The following NLGN1 variants were observed in gnomAD, a reference collection of about 807,000 sequenced individuals.
NLGN1 encodes neuroligin-1.
NLGN1 carries 12 observed loss-of-function variants against 65.5 expected under a neutral mutation model. That is an observed-to-expected ratio of 0.18 (90% CI 0.12 to 0.30). The LOEUF is 0.30. Ranked by LOEUF, NLGN1 falls within the 10% of genes least tolerant of loss-of-function variation. The probability of loss-of-function intolerance (pLI) is 1.00; values close to 1 mark genes in which losing one functional copy is unlikely to be tolerated. For missense variants in NLGN1, 750 were observed against 1,007.1 expected (o/e 0.74, Z 3.46); for synonymous variants, 350 against 359.5 (o/e 0.97, Z 0.30).
rs71162376 is a variant in NLGN1, at chr3:174,107,017, C to CAGAGAGAGAGAG, written c.647-168274_647-168263dup. ...ACACACACACACACACACACACACA[C>CAGAGAGAGAGAG]AGAGAGAGAGAGAGAGAGAGAGAGA... On this transcript the variant is annotated intron_variant, in intron 4 of 6. Transcript: ENST00000457714. Among the ~76,000 whole-genome samples, 347 of 97,668 alleles carry CAGAGAGAGAGAG rather than the reference C, an allele frequency of 3.6e-3. 3 individuals carry two copies. Among genetic ancestry groups the CAGAGAGAGAGAG allele is most frequent in the African/African-American group, 0.012 (295 of 23,986 alleles). The allele number at this position is 97,668 out of a possible 152,430, so 64.1% of individuals were successfully genotyped here.
At position 173,977,720 on chromosome 3, in the gene NLGN1, G is replaced by T. The variant is rs1221738171; in HGVS notation, c.646+169888G>T. Among the ~76,000 whole-genome samples, 3 of 151,980 alleles carry T rather than the reference G, an allele frequency of 2.0e-5. No homozygotes were observed. In the East Asian group the frequency reaches 5.8e-4, roughly 29 times the overall value. ...AAATCGTGCATTCATTTTGGACCAT[G>T]TTAAGTTGGAGATGCCTTTAAGATA... On this transcript the variant is annotated intron_variant, in intron 4 of 6. Coordinates refer to ENST00000457714, the Ensembl canonical transcript of NLGN1.
At chr3:173,867,541 A>G (rs946541355) in intron 4 of NLGN1, among the ~76,000 whole-genome samples, 1 of 152,172 alleles carries the variant, frequency 6.6e-6, no homozygotes, top group East Asian at 1.9e-4. Flanking sequence ...TAAGTCAAAT[A>G]ACTATACCAG....
intron 3 of NLGN1, among the ~76,000 whole-genome samples, chr3:173,610,789 T>C (rs922271482): frequency 6.6e-6 from 1 of 151,886 alleles, no homozygotes; most frequent in African/African-American, 2.4e-5. Flanking sequence ...TAAGAGAGAA[T>C]GGGTGAAGAT....
chr3:174,068,569 T>A (rs1412215654), intron 4 of NLGN1, among the ~76,000 whole-genome samples: 1 of 152,120 alleles, frequency 6.6e-6, no homozygotes, highest in Non-Finnish European at 1.5e-5. Flanking sequence ...TGAACCTAAG[T>A]CTATCTTATA....
intron 3 of NLGN1, among the ~76,000 whole-genome samples, chr3:173,791,853 T>G (rs535443192): frequency 2.0e-5 from 3 of 152,118 alleles, no homozygotes; most frequent in Non-Finnish European, 4.4e-5. Flanking sequence ...AAACACTCTA[T>G]TTTTGTTTCT....
intron 3 of NLGN1, among the ~76,000 whole-genome samples, chr3:173,784,796 G>C (rs981085396): frequency 1.3e-5 from 2 of 152,150 alleles, no homozygotes; most frequent in Non-Finnish European, 2.9e-5. Context: ...ACAACAGATA[G>C]AAAACATTTT....
At chr3:174,276,399 A>ATACTT (rs1750585484) in intron 5 of NLGN1, among the ~76,000 whole-genome samples, 1 of 151,968 alleles carries the variant, frequency 6.6e-6, no homozygotes, top group South Asian at 2.1e-4. Flanking sequence ...TGCAAAGCAA[A>ATACTT]TACTTTTTCT....
At chr3:173,901,241 C>G (rs546649126) in intron 4 of NLGN1, among the ~76,000 whole-genome samples, 17 of 151,772 alleles carry the variant, frequency 1.1e-4, no homozygotes, top group African/African-American at 3.9e-4. Context: ...TGTGCATGTG[C>G]GTGTAATCCT....
At chr3:173,891,982 T>A (rs564473945) in intron 4 of NLGN1, among the ~76,000 whole-genome samples, 80 of 152,318 alleles carry the variant, frequency 5.3e-4, no homozygotes, top group African/African-American at 1.9e-3. Context: ...ACAGCAATTA[T>A]GTTTCTAGAA....
chr3:174,247,432 C>T (rs759028631), intron 4 of NLGN1, among the ~76,000 whole-genome samples: 5 of 152,100 alleles, frequency 3.3e-5, no homozygotes, highest in South Asian at 2.1e-4. Flanking sequence ...AACCTACCTA[C>T]GTTTTTCTGT....
At chr3:173,900,497 T>C (rs2152174545) in intron 4 of NLGN1, among the ~76,000 whole-genome samples, 1 of 152,198 alleles carries the variant, frequency 6.6e-6, no homozygotes, top group East Asian at 1.9e-4. Flanking sequence ...TTTTTTTCCA[T>C]GAATCCCTTT....
chr3:173,581,817 TAATAA>T (rs1401795183), intron 2 of NLGN1, among the ~76,000 whole-genome samples: 1 of 152,008 alleles, frequency 6.6e-6, no homozygotes, highest in Non-Finnish European at 1.5e-5. Flanking sequence ...TCTTTAATTT[TAATAA>T]AATATTTAAA....
rs146352937 is a variant in NLGN1, at chr3:173,605,625, G to GA, written c.493+539dup. On this transcript the variant is annotated intron_variant, in intron 3 of 6. Transcript: ENST00000457714. ...ATAAAAGTGGAAATTAAAAATGGGG[G>GA]AAAAAGCTTGCAGAGGAAGAACAAG... 9,050 of 1,107,756 alleles carry GA rather than the reference G, an allele frequency of 8.2e-3. 66 individuals are homozygous for GA. The highest frequency in any genetic ancestry group is 0.013 in the Middle Eastern group (57 of 4,338). 68.6% of individuals were successfully genotyped at this position (1,107,756 alleles called of 1,614,324 possible).
At chr3:174,128,383 GA>G (rs1225555846) in intron 4 of NLGN1, among the ~76,000 whole-genome samples, 27 of 152,054 alleles carry the variant, frequency 1.8e-4, no homozygotes, top group African/African-American at 6.5e-4. Flanking sequence ...AATAATAATA[GA>G]AAAGATAATA....
intron 2 of NLGN1, among the ~76,000 whole-genome samples, chr3:173,545,138 A>C (rs976982516): frequency 6.6e-6 from 1 of 151,964 alleles, no homozygotes; most frequent in Non-Finnish European, 1.5e-5. Context: ...GTAAAGTCGC[A>C]ATTTCGGCTC....
intron 2 of NLGN1, among the ~76,000 whole-genome samples, chr3:173,460,319 C>T (rs932679811): frequency 1.3e-5 from 2 of 151,976 alleles, no homozygotes; most frequent in African/African-American, 4.8e-5. Flanking sequence ...CCCACATGAC[C>T]CTCAGAAAAT....
intron 2 of NLGN1, among the ~76,000 whole-genome samples, chr3:173,516,458 T>C (rs1184155777): frequency 1.3e-5 from 2 of 152,076 alleles, no homozygotes; most frequent in East Asian, 3.9e-4. Context: ...CTGAACTTTT[T>C]GTATCAGCTA....
intron 5 of NLGN1, among the ~76,000 whole-genome samples, chr3:174,275,828 A>G (rs1310099590): frequency 1.3e-5 from 2 of 151,898 alleles, no homozygotes; most frequent in Non-Finnish European, 2.9e-5. Context: ...AAGACGTTCT[A>G]CAGTTTTGTC....
intron 3 of NLGN1, among the ~76,000 whole-genome samples, chr3:173,785,151 A>C (rs1044928067): frequency 2.0e-5 from 3 of 152,150 alleles, no homozygotes; most frequent in Admixed American, 6.5e-5. Flanking sequence ...AAGCCGCCCC[A>C]CTTCCCTGGC....
Sources: allele counts gnomAD v4.1 joint callset (sites outside exome capture counted in the v4.1 genomes callset), GRCh38; gene constraint gnomAD v4.1.1; transcripts MANE v1.5; gene names NCBI Gene and HGNC (gene_info 2026-07-23, HGNC 2026-07-21).